CSMD1: variants seen among roughly 807,000 people sequenced by gnomAD.
CSMD1 encodes the protein CUB and Sushi multiple domains 1.
In CSMD1, 213 loss-of-function variants were observed where a neutral mutation model predicts 417.5. The ratio of observed to expected loss-of-function variants is 0.51; its 90% CI spans 0.46 to 0.57. CSMD1 has a LOEUF of 0.57. Ranked by LOEUF, CSMD1 falls within the 20% of genes least tolerant of loss-of-function variation. CSMD1 has a pLI of 0.00. For synonymous variants in CSMD1, 2,862 were observed against 1,736.8 expected (o/e 1.65, Z -16.11); for missense variants, 6,923 against 4,529.7 (o/e 1.53, Z -15.17).
chr8:4,408,802 A>G (rs2128933359), intron 3 of CSMD1, among the ~76,000 whole-genome samples: 1 of 152,324 alleles, frequency 6.6e-6, no homozygotes, highest in Non-Finnish European at 1.5e-5. Flanking sequence ...TTAAAGAAAA[A>G]AAATAGCACA....
At chr8:3,300,784 C>T (rs771676154) in intron 25 of CSMD1, among the ~76,000 whole-genome samples, 8 of 150,780 alleles carry the variant, frequency 5.3e-5, no homozygotes, top group Admixed American at 6.6e-5. Context: ...GGCGAAACCC[C>T]GTGTCTACTA....
intron 2 of CSMD1, among the ~76,000 whole-genome samples, chr8:4,552,952 C>A (rs1208024007): frequency 6.6e-6 from 1 of 152,180 alleles, no homozygotes; most frequent in East Asian, 1.9e-4. Context: ...TCCCTCCCGT[C>A]TCTTTCTGCT....
chr8:3,363,163 C>T (rs1182111786), intron 20 of CSMD1, among the ~76,000 whole-genome samples: 1 of 152,158 alleles, frequency 6.6e-6, no homozygotes, highest in Non-Finnish European at 1.5e-5. Context: ...CCCAAATTAG[C>T]TGGCCTGTCC....
chr8:4,109,092 C>A (rs543447982), intron 3 of CSMD1, among the ~76,000 whole-genome samples: 3 of 152,136 alleles, frequency 2.0e-5, no homozygotes, highest in Non-Finnish European at 4.4e-5. Context: ...CATCCATTCT[C>A]CCTATATACA....
intron 18 of CSMD1, among the ~76,000 whole-genome samples, chr8:3,369,810 G>T (rs1224481255): frequency 6.6e-6 from 1 of 152,212 alleles, no homozygotes; most frequent in East Asian, 1.9e-4. Flanking sequence ...CAATGGGAAA[G>T]TGGCAACAAT....
rs568021133 is a variant in CSMD1 at position 3,142,806 on chromosome 8, G to A, written c.6032-132C>T. Reference sequence around the variant, plus strand: ...CTGTGAGACAGAACCATGCCGTGGAGGACGGCATTCACTGTGGATGACAGC... The same window carrying A: ...CTGTGAGACAGAACCATGCCGTGGAAGACGGCATTCACTGTGGATGACAGC... On this transcript the variant is annotated intron_variant, in intron 40 of 69. Coordinates refer to ENST00000635120, the MANE Select transcript of CSMD1 (RefSeq NM_033225.6). 4.3e-5 allele frequency: 34 copies of A among 797,330 alleles called. 1 individual carries two copies. In the African/African-American group the frequency reaches 5.3e-4, roughly 12 times the overall value. The allele number at this position is 797,330 out of a possible 1,614,324, so 49.4% of individuals were successfully genotyped here.
At chr8:3,968,080 G>A (rs932694111) in intron 5 of CSMD1, among the ~76,000 whole-genome samples, 12 of 150,882 alleles carry the variant, frequency 8.0e-5, no homozygotes, top group East Asian at 1.9e-4. Flanking sequence ...CCAGCTCCTC[G>A]GCAGGCTGAG....
intron 5 of CSMD1, among the ~76,000 whole-genome samples, chr8:3,987,319 T>G (rs988232327): frequency 1.3e-5 from 2 of 152,208 alleles, no homozygotes; most frequent in Non-Finnish European, 2.9e-5. Flanking sequence ...AGTGCTTTCT[T>G]TCTCCTCCAA....
chr8:4,479,882 C>T (rs376109477), intron 2 of CSMD1, among the ~76,000 whole-genome samples: 1 of 151,440 alleles, frequency 6.6e-6, no homozygotes, highest in Admixed American at 6.6e-5. Flanking sequence ...AGGAGAATTG[C>T]TTGAACCTGG....
chr8:4,854,131 G>A (rs896110975), intron 1 of CSMD1, among the ~76,000 whole-genome samples: 2 of 152,176 alleles, frequency 1.3e-5, no homozygotes, highest in East Asian at 1.9e-4. Flanking sequence ...GCAGAAGTGA[G>A]TTAAGATTTT....
At chr8:3,945,690 G>C (rs951818381) in intron 5 of CSMD1, among the ~76,000 whole-genome samples, 2 of 152,090 alleles carry the variant, frequency 1.3e-5, no homozygotes, top group Non-Finnish European at 2.9e-5. Flanking sequence ...AGTCCAGATA[G>C]CTCATCGACA....
At chr8:2,958,517 G>C (rs943300322) in intron 62 of CSMD1, among the ~76,000 whole-genome samples, 1 of 152,214 alleles carries the variant, frequency 6.6e-6, no homozygotes, top group African/African-American at 2.4e-5. Context: ...GAGGTGCCTT[G>C]AGGGGCAGAT....
chr8:3,436,855 G>C (rs191822361), intron 12 of CSMD1, among the ~76,000 whole-genome samples: 2 of 151,852 alleles, frequency 1.3e-5, no homozygotes, highest in Non-Finnish European at 2.9e-5. Flanking sequence ...TTATGATTCG[G>C]GATTATTAGA....
intron 5 of CSMD1, among the ~76,000 whole-genome samples, chr8:3,828,257 G>A (rs549666709): frequency 2.0e-5 from 3 of 152,244 alleles, no homozygotes; most frequent in Admixed American, 6.5e-5. Context: ...ACAACGTTAT[G>A]TAAGATCTGA....
chr8:3,790,578 T>A (rs1340266912), intron 5 of CSMD1, among the ~76,000 whole-genome samples: 3 of 152,214 alleles, frequency 2.0e-5, no homozygotes, highest in African/African-American at 7.2e-5. Flanking sequence ...CATAATTTTT[T>A]TTTATGTTTT....
intron 5 of CSMD1, among the ~76,000 whole-genome samples, chr8:3,827,386 T>A (rs1269704454): frequency 6.6e-6 from 1 of 152,222 alleles, no homozygotes; most frequent in African/African-American, 2.4e-5. Context: ...GTACCACCTG[T>A]ACTTAGATAT....
At chr8:3,676,059 T>C (rs375653791) in intron 7 of CSMD1, among the ~76,000 whole-genome samples, 2 of 152,236 alleles carry the variant, frequency 1.3e-5, no homozygotes, top group African/African-American at 2.4e-5. Context: ...GAAGTCATCA[T>C]TTGATTAGCA....
intron 1 of CSMD1, among the ~76,000 whole-genome samples, chr8:4,949,565 G>C (rs1031599889): frequency 5.9e-5 from 9 of 152,106 alleles, no homozygotes; most frequent in African/African-American, 2.2e-4. Flanking sequence ...GTCACATCTG[G>C]TATCCAGTGA....
intron 37 of CSMD1, among the ~76,000 whole-genome samples, chr8:3,163,756 G>C (rs7841775): frequency 0.21 from 31,935 of 152,072 alleles, 3,861 homozygotes; most frequent in African/African-American, 0.33. Flanking sequence ...AGAGTCAGCA[G>C]CAAGGTCAAG....
Sources: allele counts gnomAD v4.1 joint callset (sites outside exome capture counted in the v4.1 genomes callset), GRCh38; gene constraint gnomAD v4.1.1; transcripts MANE v1.5; gene names NCBI Gene and HGNC (gene_info 2026-07-23, HGNC 2026-07-21).